REXO2: variants seen among roughly 807,000 people sequenced by gnomAD.
REXO2 encodes RNA exonuclease 2.
In REXO2, 17 loss-of-function variants were observed where a neutral mutation model predicts 30.9. That is an observed-to-expected ratio of 0.55 (90% CI 0.38 to 0.82). The LOEUF is 0.82. REXO2 is among the 40% of genes least tolerant of loss of function. The pLI is 0.00. For missense variants in REXO2, 253 were observed against 293.2 expected (o/e 0.86, Z 1.00); for synonymous variants, 105 against 99.6 (o/e 1.05, Z -0.32).
At chr11:114,443,294 A>G (rs1243277415) in intron 2 of REXO2, among the ~76,000 whole-genome samples, 1 of 141,794 alleles carries the variant, frequency 7.1e-6, no homozygotes, top group Non-Finnish European at 1.5e-5. Context: ...TTTTTTTTTA[A>G]TTTTGTAGAA....
rs764665235 is a variant in REXO2, at chr11:114,445,967, G to A, written c.422-12G>A. The A allele has an allele frequency of 3.0e-5, 42 of 1,410,444 alleles. No homozygotes were observed. The highest frequency in any genetic ancestry group is 2.5e-4 in the South Asian group (22 of 86,570). 87.4% of individuals were successfully genotyped at this position (1,410,444 alleles called of 1,614,324 possible). A position where few individuals can be genotyped will look rare whatever the true frequency, so the allele number is the denominator to read the frequency against. ...GAAATATAGAGATGCAGTATGCTTCGTGTCTTTCTAGGAAATTCAGTTCAT... is the reference window on the plus strand; with the variant it reads ...GAAATATAGAGATGCAGTATGCTTCATGTCTTTCTAGGAAATTCAGTTCAT... On this transcript the variant is annotated splice_polypyrimidine_tract_variant and intron_variant, in intron 4 of 6. Transcript: ENST00000265881.
rs1056334932 is a variant in REXO2, at chr11:114,441,277, A to T, written c.231+538A>T. ...CTCGTGCCAATGTTTGCGTCTTTAT[A>T]TCATAACCTTGACTTTAACTTGACT... On this transcript the variant is annotated intron_variant, in intron 2 of 6. Coordinates refer to ENST00000265881, the MANE Select transcript of REXO2 (RefSeq NM_015523.4). Among the ~76,000 whole-genome samples the T allele has an allele frequency of 3.9e-5, 6 of 152,196 alleles. 1 individual carries two copies. Among genetic ancestry groups the T allele is most frequent in the Non-Finnish European group, 5.9e-5 (4 of 68,038 alleles).
chr11:114,444,451 C>T, intron 3 of REXO2, 90 bp from the exon 4 acceptor site: 1 of 891,782 alleles, frequency 1.1e-6, no homozygotes, highest in Non-Finnish European at 1.8e-6. Context: ...TATATTTGCC[C>T]ATTTTAAAAG....
chr11:114,440,353 G>A (rs1946468128), intron 1 of REXO2, among the ~76,000 whole-genome samples: 1 of 152,218 alleles, frequency 6.6e-6, no homozygotes, highest in Non-Finnish European at 1.5e-5. Flanking sequence ...AGACGTGGTG[G>A]TGGTAGTTAT....
At position 114,440,966 on chromosome 11, in the gene REXO2, T is replaced by G. The variant is rs560125065; in HGVS notation, c.231+227T>G. 3.4e-5 allele frequency: 14 copies of G among 414,290 alleles called. 1 individual carries two copies. The highest frequency in any genetic ancestry group is 3.4e-4 in the South Asian group (8 of 23,820). 25.7% of individuals were successfully genotyped at this position (414,290 alleles called of 1,614,324 possible). A position where few individuals can be genotyped will look rare whatever the true frequency, so the allele number is the denominator to read the frequency against. On this transcript the variant is annotated intron_variant, in intron 2 of 6. Transcript: ENST00000265881. The stretch of plus-strand genomic sequence containing the variant: ...TTTTTTAATTAACCATGCCAGAAAT[T>G]TACAGAAACATAAATTCTGTCGTTT...
intron 6 of REXO2, among the ~76,000 whole-genome samples, chr11:114,449,570 A>G (rs548215236): frequency 1.3e-5 from 2 of 152,140 alleles, no homozygotes; most frequent in African/African-American, 2.4e-5. Flanking sequence ...CCGTGGAATT[A>G]TTTTTTCTCC....
At chr11:114,443,517 CTT>C (rs148088427) in intron 2 of REXO2, among the ~76,000 whole-genome samples, 1 of 144,316 alleles carries the variant, frequency 6.9e-6, no homozygotes, top group Admixed American at 6.9e-5. Context: ...GTCATATGTT[CTT>C]TTTTTTTTTT....
chr11:114,445,290 G>A (rs573505851), intron 4 of REXO2: 1 of 152,270 alleles, frequency 6.6e-6, no homozygotes, highest in East Asian at 1.9e-4. Flanking sequence ...GACCAGGCCT[G>A]TTCTACCAGG....
rs141295763 is a variant in REXO2 at position 114,446,884 on chromosome 11, G to T, written c.530+797G>T. 5.7e-3 allele frequency among the ~76,000 whole-genome samples: 850 copies of T among 149,594 alleles called. 5 individuals carry two copies. Among genetic ancestry groups the T allele is most frequent in the African/African-American group, 0.02 (798 of 40,560 alleles). ...GGTAGAAGAGTGAGTGATAACGATC[G>T]TTCTGATTCGAAGGTGGCAAGAAAA... On this transcript the variant is annotated intron_variant, in intron 5 of 6. Transcript: ENST00000265881.
At chr11:114,441,390 C>T (rs1335443124) in intron 2 of REXO2, among the ~76,000 whole-genome samples, 1 of 152,162 alleles carries the variant, frequency 6.6e-6, no homozygotes. Context: ...AGTGCACACC[C>T]GTAAAGTGTT....
intron 6 of REXO2, 91 bp downstream of exon 6, chr11:114,447,970 T>G: frequency 1.0e-6 from 1 of 952,698 alleles, no homozygotes; most frequent in Non-Finnish European, 1.6e-6. Context: ...CTTAACTCTT[T>G]TTTCTCGGGG....
At chr11:114,444,715 T>C in intron 4 of REXO2, 63 bp downstream of exon 4, 1 of 1,061,984 alleles carries the variant, frequency 9.4e-7, no homozygotes, top group Non-Finnish European at 1.3e-6. Flanking sequence ...GAGACTGCAG[T>C]TCCAGAAAGA....
rs368759864 is a variant in REXO2 at position 114,443,273 on chromosome 11, ATTTT to A, written c.232-567_232-564del. ...AGGGGTGTGCCACCAGGCCCACCTA[ATTTT>A]TTTTTTTTTTTTTTTAATTTTGTAG... On this transcript the variant is annotated intron_variant, in intron 2 of 6. Transcript: ENST00000265881. Among the ~76,000 whole-genome samples the A allele has an allele frequency of 9.4e-5, 13 of 138,548 alleles. No homozygotes were observed. In the South Asian group the frequency reaches 1.2e-3, roughly 12 times the overall value. The allele number at this position is 138,548 out of a possible 152,430, so 90.9% of individuals were successfully genotyped here. A position where few individuals can be genotyped will look rare whatever the true frequency, so the allele number is the denominator to read the frequency against.
chr11:114,440,643 T>C lies in REXO2; in HGVS notation c.148-13T>C, dbSNP rs746394340. On this transcript the variant is annotated splice_polypyrimidine_tract_variant and intron_variant, in intron 1 of 6. Coordinates refer to ENST00000265881, the MANE Select transcript of REXO2 (RefSeq NM_015523.4). ...TGGCTTTGTGTGTGTTATATATTTA[T>C]TTTTAATTGCAGATGACAGGATTGG... The C allele has an allele frequency of 6.3e-7, 1 of 1,596,350 alleles. No homozygotes were observed.
chr11:114,440,728 AT>A lies in REXO2; in HGVS notation c.224del (p.Leu75TrpfsTer7). 6.2e-7 allele frequency: 1 copy of A among 1,613,256 alleles called. No individual in the cohort carries two copies. Among genetic ancestry groups the A allele is most frequent in the Non-Finnish European group, 8.5e-7 (1 of 1,179,288 alleles). ...TCTGATAACTGACTCTGATCTCAAC[AT>A]TTTGGCTGAAGTACGTGATGCCATG... ...ACLITDSDLN[I>X]LAEGPNLIIK... On this transcript the variant is annotated frameshift_variant, in exon 2 of 7. Coordinates refer to ENST00000265881, the MANE Select transcript of REXO2 (RefSeq NM_015523.4). LOFTEE classifies it high-confidence loss of function.
rs375578191 is a variant in REXO2, at chr11:114,440,756, A to T, written c.231+17A>T. On this transcript the variant is annotated intron_variant, in intron 2 of 6. Transcript: ENST00000265881. ...TTGGCTGAAGTACGTGATGCCATGT[A>T]ATACAGTCATACTTTTTAAAGGGCA... The T allele has an allele frequency of 3.9e-6, 6 of 1,551,914 alleles. No homozygotes were observed. The highest frequency in any genetic ancestry group is 3.4e-5 in the Admixed American group (2 of 59,126).
intron 1 of REXO2, 87 bp from the exon 2 acceptor site, chr11:114,440,569 T>G: frequency 1.0e-6 from 1 of 983,666 alleles, no homozygotes; most frequent in Non-Finnish European, 1.6e-6. Context: ...GCTGACTATG[T>G]TTGAGGGAAT....
rs142751244 is a variant in REXO2 at position 114,442,535 on chromosome 11, C to T, written c.232-1321C>T. Among the ~76,000 whole-genome samples, 364 of 152,100 alleles carry T rather than the reference C, an allele frequency of 2.4e-3. 1 individual carries two copies. The highest frequency in any genetic ancestry group is 8.2e-3 in the African/African-American group (342 of 41,486). ...TCCTTTTTAGTAGTAGGATGTCAGG[C>T]GTATTTTAATTAAATTCTAGCCATT... On this transcript the variant is annotated intron_variant, in intron 2 of 6. Coordinates refer to ENST00000265881, the MANE Select transcript of REXO2 (RefSeq NM_015523.4).
chr11:114,443,089 TG>T (rs1044623930), intron 2 of REXO2, among the ~76,000 whole-genome samples: 5 of 151,988 alleles, frequency 3.3e-5, no homozygotes, highest in African/African-American at 1.2e-4. Context: ...GTTTTGCAAT[TG>T]TTTTTTTCAC....
Sources: allele counts gnomAD v4.1 joint callset (sites outside exome capture counted in the v4.1 genomes callset), GRCh38; gene constraint gnomAD v4.1.1; transcripts MANE v1.5; gene names NCBI Gene and HGNC (gene_info 2026-07-23, HGNC 2026-07-21).